The following SH3RF3 variants were observed in gnomAD, a reference collection of about 807,000 sequenced individuals.
SH3RF3 encodes E3 ubiquitin-protein ligase SH3RF3.
Under a neutral mutation model 66.3 loss-of-function variants are expected in SH3RF3, and 29 were observed. The ratio of observed to expected loss-of-function variants is 0.44; its 90% CI spans 0.33 to 0.60. SH3RF3 has a LOEUF of 0.60. Ranked by LOEUF, SH3RF3 falls within the 20% of genes least tolerant of loss-of-function variation. The pLI, the probability that SH3RF3 is intolerant of heterozygous loss-of-function variation, is 0.04. For missense variants in SH3RF3, 1,194 were observed against 1,190.9 expected, an observed-to-expected ratio of 1.00 and a Z score of -0.04; for synonymous variants, 583 against 532.0, an observed-to-expected ratio of 1.10 and a Z score of -1.32.
chr2:109,461,445 G>A (rs533157938), intron 8 of SH3RF3, among the ~76,000 whole-genome samples: 9 of 131,454 alleles, frequency 6.8e-5, no homozygotes, highest in South Asian at 2.9e-4. Context: ...AAAGACCTGC[G>A]CGGTGATCCA....
At chr2:109,325,964 G>A (rs138605714) in intron 1 of SH3RF3, among the ~76,000 whole-genome samples, 2 of 152,192 alleles carry the variant, frequency 1.3e-5, no homozygotes, top group African/African-American at 2.4e-5. Context: ...ACTGTGAACC[G>A]TAACGTATAT....
intron 3 of SH3RF3, among the ~76,000 whole-genome samples, chr2:109,387,868 G>T (rs1227115154): frequency 6.8e-6 from 1 of 147,312 alleles, no homozygotes; most frequent in Non-Finnish European, 1.5e-5. Flanking sequence ...TGGGGGGGGG[G>T]TCTCCTCCCC....
At chr2:109,473,015 A>G (rs1678565780) in intron 8 of SH3RF3, among the ~76,000 whole-genome samples, 1 of 152,206 alleles carries the variant, frequency 6.6e-6, no homozygotes, top group South Asian at 2.1e-4. Context: ...GTGAAAAGAT[A>G]ATGTGTTGGC....
intron 8 of SH3RF3, among the ~76,000 whole-genome samples, chr2:109,486,855 C>G (rs529382224): frequency 6.6e-6 from 1 of 152,206 alleles, no homozygotes; most frequent in Non-Finnish European, 1.5e-5. Context: ...GCACCTTTCT[C>G]GGCAGATCTG....
intron 1 of SH3RF3, among the ~76,000 whole-genome samples, chr2:109,146,881 TCCCTCC>T (rs1558925571): frequency 1.3e-3 from 10 of 7,808 alleles, no homozygotes; most frequent in African/African-American, 4.0e-3. Context: ...TCTTCTTTTT[TCCCTCC>T]CCCCCCCCCC....
intron 1 of SH3RF3, among the ~76,000 whole-genome samples, chr2:109,271,996 A>G (rs569883692): frequency 6.6e-6 from 1 of 152,164 alleles, no homozygotes; most frequent in Non-Finnish European, 1.5e-5. Context: ...CTTTGGGTAC[A>G]TCTGGTATGG....
chr2:109,273,375 G>C (rs1024625904), intron 1 of SH3RF3, among the ~76,000 whole-genome samples: 2 of 152,222 alleles, frequency 1.3e-5, no homozygotes, highest in Non-Finnish European at 2.9e-5. Context: ...GAGCCTTAAC[G>C]CATGGATGAG....
intron 1 of SH3RF3, among the ~76,000 whole-genome samples, chr2:109,302,572 CTGACAGTGCTAAATTT>C (rs536375467): frequency 1.2e-3 from 186 of 152,360 alleles, no homozygotes; most frequent in Non-Finnish European, 2.3e-3. Context: ...TGCTGTGCTG[CTGACAGTGCTAAATTT>C]TGACAGTGCT....
chr2:109,388,276 A>G (rs889675117), intron 3 of SH3RF3, among the ~76,000 whole-genome samples: 3 of 152,024 alleles, frequency 2.0e-5, no homozygotes, highest in East Asian at 1.9e-4. Flanking sequence ...CTTTCATTCA[A>G]TTTTTCACTG....
chr2:109,470,090 C>T lies in SH3RF3; in HGVS notation c.2149-20515C>T, dbSNP rs116455288. Among the ~76,000 whole-genome samples the T allele has an allele frequency of 2.2e-3, 335 of 152,336 alleles. 1 individual carries two copies. Among genetic ancestry groups the T allele is most frequent in the Non-Finnish European group, 3.1e-3 (213 of 68,042 alleles). On this transcript the variant is annotated intron_variant, in intron 8 of 9. Transcript: ENST00000309415. ...TGGTGGTGGGCAACCACAGAGCTGTCTTCTGGCTAATGAAGACAAAGCCAC... is the reference window on the plus strand; with the variant it reads ...TGGTGGTGGGCAACCACAGAGCTGTTTTCTGGCTAATGAAGACAAAGCCAC...
At chr2:109,247,487 C>A (rs933702014) in intron 1 of SH3RF3, among the ~76,000 whole-genome samples, 33 of 152,206 alleles carry the variant, frequency 2.2e-4, no homozygotes, top group African/African-American at 7.0e-4. Flanking sequence ...TTGTGCAAAA[C>A]CATTATTCTT....
intron 1 of SH3RF3, among the ~76,000 whole-genome samples, chr2:109,291,026 A>G (rs1681155382): frequency 6.6e-6 from 1 of 152,242 alleles, no homozygotes; most frequent in Admixed American, 6.5e-5. Context: ...GCACTGAGTC[A>G]TACATTCTCA....
intron 8 of SH3RF3, among the ~76,000 whole-genome samples, chr2:109,457,824 T>A (rs994903269): frequency 3.3e-5 from 5 of 152,128 alleles, no homozygotes; most frequent in Non-Finnish European, 7.4e-5. Flanking sequence ...GCACACCCCA[T>A]AAACTACATC....
At chr2:109,268,959 T>C (rs2105312818) in intron 1 of SH3RF3, among the ~76,000 whole-genome samples, 1 of 152,310 alleles carries the variant, frequency 6.6e-6, no homozygotes, top group Admixed American at 6.5e-5. Context: ...TTCCGTTTTC[T>C]GGGGGACACA....
chr2:109,217,381 A>G (rs563091905), intron 1 of SH3RF3, among the ~76,000 whole-genome samples: 33 of 152,320 alleles, frequency 2.2e-4, no homozygotes, highest in African/African-American at 7.7e-4. Context: ...CTACAGGTCA[A>G]ATTCCCATCT....
chr2:109,156,749 T>C (rs1048016435), intron 1 of SH3RF3, among the ~76,000 whole-genome samples: 1 of 152,044 alleles, frequency 6.6e-6, no homozygotes, highest in African/African-American at 2.4e-5. Context: ...GGCCTGAATT[T>C]TAAGTTTTTT....
chr2:109,276,808 C>T (rs1574545480), intron 1 of SH3RF3, among the ~76,000 whole-genome samples: 1 of 151,834 alleles, frequency 6.6e-6, no homozygotes, highest in East Asian at 1.9e-4. Flanking sequence ...CTACCTTTTT[C>T]CTAAAAGGAT....
At chr2:109,131,972 G>A (rs1160058453) in intron 1 of SH3RF3, among the ~76,000 whole-genome samples, 2 of 152,144 alleles carry the variant, frequency 1.3e-5, no homozygotes, top group African/African-American at 2.4e-5. Context: ...CACATGCTTC[G>A]GGAGTGGGAA....
intron 1 of SH3RF3, among the ~76,000 whole-genome samples, chr2:109,259,277 C>G (rs574093865): frequency 6.6e-6 from 1 of 152,182 alleles, no homozygotes; most frequent in Non-Finnish European, 1.5e-5. Flanking sequence ...GCTGCTGGCT[C>G]CTGAACAACT....
Sources: allele counts gnomAD v4.1 joint callset (sites outside exome capture counted in the v4.1 genomes callset), GRCh38; gene constraint gnomAD v4.1.1; transcripts MANE v1.5; gene names NCBI Gene and HGNC (gene_info 2026-07-23, HGNC 2026-07-21).